TMEM154: variants seen among roughly 807,000 people sequenced by gnomAD.
TMEM154 encodes transmembrane protein 154.
In TMEM154, 27 loss-of-function variants were observed where a neutral mutation model predicts 24.5. The ratio of observed to expected loss-of-function variants is 1.10; its 90% CI spans 0.81 to 1.52. The LOEUF (loss-of-function observed/expected upper bound fraction) is 1.52. Among genes scored for constraint, TMEM154 ranks in the 40% most tolerant of loss-of-function variants. The pLI, the probability that TMEM154 is intolerant of heterozygous loss-of-function variation, is 0.00. For missense variants in TMEM154, 228 were observed against 213.4 expected, an observed-to-expected ratio of 1.07 and a Z score of -0.43; for synonymous variants, 67 against 76.8, an observed-to-expected ratio of 0.87 and a Z score of 0.67.
At chr4:152,643,232 T>A in intron 4 of TMEM154, 59 bp from the exon 5 acceptor site, 3 of 1,269,042 alleles carry the variant, frequency 2.4e-6, no homozygotes, top group Non-Finnish European at 3.4e-6. Flanking sequence ...CTAATTTCAT[T>A]TGGAAAGAGA....
At position 152,628,167 on chromosome 4, in the gene TMEM154, A is replaced by G. The variant is rs564865554; in HGVS notation, c.*379T>C. 3.6e-4 allele frequency: 85 copies of G among 239,006 alleles called. 3 individuals carry two copies. The highest frequency in any genetic ancestry group is 2.0e-3 in the Admixed American group (39 of 19,428). The allele number at this position is 239,006 out of a possible 1,614,324, so 14.8% of individuals were successfully genotyped here. Reference sequence around the variant, plus strand: ...AAACCATCGATAAAACAGCTTCCTGATTTAGGCCCTAAGGAATGAAGCAGA... The same window carrying G: ...AAACCATCGATAAAACAGCTTCCTGGTTTAGGCCCTAAGGAATGAAGCAGA... On this transcript the variant is annotated 3_prime_UTR_variant, in exon 7 of 7. Coordinates refer to ENST00000304385, the MANE Select transcript of TMEM154 (RefSeq NM_152680.3).
At chr4:152,651,962 G>A (rs1180567817) in intron 3 of TMEM154, among the ~76,000 whole-genome samples, 1 of 152,208 alleles carries the variant, frequency 6.6e-6, no homozygotes, top group Non-Finnish European at 1.5e-5. Context: ...AGGGAATAGA[G>A]AGGCCTGAAG....
chr4:152,632,950 C>G (rs1752076548), intron 6 of TMEM154, among the ~76,000 whole-genome samples: 1 of 152,002 alleles, frequency 6.6e-6, no homozygotes, highest in South Asian at 2.1e-4. Flanking sequence ...AAATACCATA[C>G]TCCAGGCCTG....
At chr4:152,662,474 A>G (rs1441669545) in intron 1 of TMEM154, among the ~76,000 whole-genome samples, 1 of 152,244 alleles carries the variant, frequency 6.6e-6, no homozygotes, top group African/African-American at 2.4e-5. Flanking sequence ...TCAGATCAGC[A>G]GCCAGGAGTG....
intron 3 of TMEM154, among the ~76,000 whole-genome samples, chr4:152,644,964 T>C (rs149273784): frequency 1.3e-5 from 2 of 152,188 alleles, no homozygotes; most frequent in African/African-American, 4.8e-5. Context: ...CCCTCACAAC[T>C]TCAGGGTCCC....
At chr4:152,647,233 T>A (rs945555269) in intron 3 of TMEM154, 1 of 985,004 alleles carries the variant, frequency 1.0e-6, no homozygotes, top group Non-Finnish European at 1.2e-6. Flanking sequence ...CCAGGGGACA[T>A]AGTGTGCAGG....
At chr4:152,653,152 A>G (rs951038638) in intron 1 of TMEM154, among the ~76,000 whole-genome samples, 36 of 152,222 alleles carry the variant, frequency 2.4e-4, no homozygotes, top group African/African-American at 8.7e-4. Flanking sequence ...CCTTGCACAA[A>G]GGTAGGCAGT....
chr4:152,652,514 G>A (rs376025899), intron 3 of TMEM154, 24 bp downstream of exon 3: 20 of 1,612,818 alleles, frequency 1.2e-5, no homozygotes, highest in Middle Eastern at 1.6e-4. Flanking sequence ...CCCACCTGTA[G>A]GCAGGTTTTA....
rs1160327539 is a variant in TMEM154, at chr4:152,627,739, A to G, written c.*807T>C. ...TGACTCCCACCTGCACATACTTCCT[A>G]CCTACATGTCACATCCAAGGGAGGT... On this transcript the variant is annotated 3_prime_UTR_variant, in exon 7 of 7. Coordinates refer to ENST00000304385, the MANE Select transcript of TMEM154 (RefSeq NM_152680.3). 1 of 152,230 alleles carries G rather than the reference A, an allele frequency of 6.6e-6. No individual in the cohort carries two copies. Among genetic ancestry groups the G allele is most frequent in the Non-Finnish European group, 1.5e-5 (1 of 68,046 alleles). 9.4% of individuals were successfully genotyped at this position (152,230 alleles called of 1,614,324 possible).
chr4:152,661,446 C>T (rs6841238), intron 1 of TMEM154, among the ~76,000 whole-genome samples: 73,837 of 151,608 alleles, frequency 0.49, 18,039 homozygotes, highest in Admixed American at 0.56. Context: ...CTATCTAATT[C>T]GATCTTCACA....
At chr4:152,671,998 T>C (rs1315288256) in intron 1 of TMEM154, among the ~76,000 whole-genome samples, 1 of 148,040 alleles carries the variant, frequency 6.8e-6, no homozygotes, top group African/African-American at 2.5e-5. Context: ...CTCACGCCTA[T>C]AATCCCAGGA....
intron 6 of TMEM154, among the ~76,000 whole-genome samples, chr4:152,632,625 C>A (rs538867709): frequency 3.3e-5 from 5 of 152,304 alleles, no homozygotes; most frequent in African/African-American, 1.2e-4. Flanking sequence ...TTATGTCCCA[C>A]AATAAGAATC....
At chr4:152,643,357 C>G in intron 4 of TMEM154, among the ~76,000 whole-genome samples, 184 bp from the exon 5 acceptor site, 1 of 152,284 alleles carries the variant, frequency 6.6e-6, no homozygotes, top group African/African-American at 2.4e-5. Context: ...AAGGCTACCA[C>G]ACAAACAAAC....
chr4:152,646,396 A>G (rs1302564540), intron 3 of TMEM154, among the ~76,000 whole-genome samples: 1 of 152,176 alleles, frequency 6.6e-6, no homozygotes, highest in Non-Finnish European at 1.5e-5. Flanking sequence ...CTCCATGGCT[A>G]TTACCTCTGC....
chr4:152,636,590 T>C (rs1752152855), intron 6 of TMEM154, among the ~76,000 whole-genome samples: 1 of 152,224 alleles, frequency 6.6e-6, no homozygotes, highest in Non-Finnish European at 1.5e-5. Flanking sequence ...AGGAAAGTAA[T>C]GAACAAGACT....
intron 6 of TMEM154, among the ~76,000 whole-genome samples, chr4:152,636,372 C>T (rs769802192): frequency 3.3e-5 from 5 of 152,182 alleles, no homozygotes; most frequent in Admixed American, 6.5e-5. Flanking sequence ...GTATGAATCA[C>T]GGAAAAGATG....
intron 1 of TMEM154, among the ~76,000 whole-genome samples, chr4:152,667,304 C>A (rs1032269123): frequency 6.6e-6 from 1 of 152,228 alleles, no homozygotes; most frequent in African/African-American, 2.4e-5. Context: ...CAAAGAAAGA[C>A]AAATCTAAAG....
intron 1 of TMEM154, 84 bp downstream of exon 1, chr4:152,679,786 T>G: frequency 1.3e-6 from 2 of 1,539,924 alleles, no homozygotes; most frequent in Non-Finnish European, 1.8e-6. Context: ...GGTGTCACCC[T>G]CCCCGGCAGA....
At chr4:152,633,772 G>A (rs560850086) in intron 6 of TMEM154, among the ~76,000 whole-genome samples, 1 of 152,050 alleles carries the variant, frequency 6.6e-6, no homozygotes, top group African/African-American at 2.4e-5. Context: ...CCATGAGTTC[G>A]AGACCAGCCT....
Sources: allele counts gnomAD v4.1 joint callset (sites outside exome capture counted in the v4.1 genomes callset), GRCh38; gene constraint gnomAD v4.1.1; transcripts MANE v1.5; gene names NCBI Gene and HGNC (gene_info 2026-07-23, HGNC 2026-07-21).